The following JCAD variants were observed in gnomAD, a reference collection of about 807,000 sequenced individuals.
JCAD encodes junctional cadherin 5-associated protein.
In JCAD, 40 loss-of-function variants were observed where a neutral mutation model predicts 98.0. The observed-to-expected ratio is 0.41, with a 90% CI of 0.32 to 0.53. The LOEUF (loss-of-function observed/expected upper bound fraction) is 0.53. Among genes scored for constraint, JCAD ranks in the 20% least tolerant of loss-of-function variants. The pLI is 0.31. For synonymous variants in JCAD, 691 were observed against 682.3 expected (o/e 1.01, Z -0.20); for missense variants, 1,705 against 1,738.1 (o/e 0.98, Z 0.34).
At chr10:30,037,743 A>G (rs1340069418) in intron 2 of JCAD, among the ~76,000 whole-genome samples, 1 of 152,144 alleles carries the variant, frequency 6.6e-6, no homozygotes, top group African/African-American at 2.4e-5. Flanking sequence ...GAAGGGGCAC[A>G]GGAAAGCAAT....
At chr10:30,034,462 G>A (rs992214118) in intron 2 of JCAD, among the ~76,000 whole-genome samples, 43 of 152,152 alleles carry the variant, frequency 2.8e-4, no homozygotes, top group African/African-American at 9.9e-4. Context: ...CACGGTAGGA[G>A]GTCACAATTT....
chr10:30,101,957 A>C (rs1370917407), intron 1 of JCAD, among the ~76,000 whole-genome samples: 1 of 152,078 alleles, frequency 6.6e-6, no homozygotes, highest in Non-Finnish European at 1.5e-5. Flanking sequence ...GGTGGGACTG[A>C]AGTAATGAGC....
At chr10:30,110,376 T>A (rs1438918802) in intron 1 of JCAD, among the ~76,000 whole-genome samples, 1 of 151,962 alleles carries the variant, frequency 6.6e-6, no homozygotes, top group Admixed American at 6.6e-5. Context: ...AGCTGATGTA[T>A]AGACCAGCTG....
chr10:30,070,095 C>T (rs1296451125), intron 1 of JCAD, among the ~76,000 whole-genome samples: 2 of 151,930 alleles, frequency 1.3e-5, no homozygotes, highest in South Asian at 2.1e-4. Context: ...CAAATAAGAG[C>T]GACTACAGAG....
upstream of JCAD, among the ~76,000 whole-genome samples, chr10:30,063,353 T>C (rs1837731450): frequency 2.6e-5 from 4 of 152,236 alleles, no homozygotes; most frequent in African/African-American, 7.2e-5. Flanking sequence ...TATTGAGTCA[T>C]TGGGCAGATG....
At chr10:30,112,986 G>A (rs1838732704) in intron 1 of JCAD, among the ~76,000 whole-genome samples, 1 of 151,998 alleles carries the variant, frequency 6.6e-6, no homozygotes. Context: ...TTCCTTTCTG[G>A]GTGATGAAAT....
chr10:30,020,956 G>A (rs903292085), intron 3 of JCAD, among the ~76,000 whole-genome samples: 2 of 152,198 alleles, frequency 1.3e-5, no homozygotes, highest in Non-Finnish European at 2.9e-5. Context: ...GCCATGCCAT[G>A]TCTGTCTGTA....
At chr10:30,084,652 C>G (rs1237169958) in intron 1 of JCAD, among the ~76,000 whole-genome samples, 2 of 152,218 alleles carry the variant, frequency 1.3e-5, no homozygotes, top group East Asian at 1.9e-4. Context: ...AGGTCTCAAC[C>G]CTGCTGGCCA....
At chr10:30,048,140 G>A (rs932577864) in intron 1 of JCAD, among the ~76,000 whole-genome samples, 9 of 152,208 alleles carry the variant, frequency 5.9e-5, no homozygotes, top group Admixed American at 6.5e-5. Context: ...AGAAGAGCAT[G>A]TGGCACGGTG....
intron 1 of JCAD, among the ~76,000 whole-genome samples, chr10:30,111,941 C>G (rs1433809064): frequency 6.6e-6 from 1 of 152,160 alleles, no homozygotes; most frequent in Non-Finnish European, 1.5e-5. Context: ...CCATATGATC[C>G]AGCAATTCCA....
At position 30,113,660 on chromosome 10, in the gene JCAD, A is replaced by C. The variant is rs542857977; in HGVS notation, n.128+1707T>G. On this transcript the variant is annotated intron_variant and non_coding_transcript_variant, in intron 1 of 2. Transcript: ENST00000465712. ...ATCAGAACCTGGCTCCACCCTCCTC[A>C]TAGGGCGACTTCTGGGCCCACCTCC... Among the ~76,000 whole-genome samples, 844 of 148,784 alleles carry C rather than the reference A, an allele frequency of 5.7e-3. 4 individuals carry two copies. Among genetic ancestry groups the C allele is most frequent in the Non-Finnish European group, 9.6e-3 (647 of 67,670 alleles).
chr10:30,020,750 C>G (rs1318526527), intron 3 of JCAD, among the ~76,000 whole-genome samples: 1 of 152,166 alleles, frequency 6.6e-6, no homozygotes, highest in Non-Finnish European at 1.5e-5. Flanking sequence ...GCTCAATCAG[C>G]CTCAGAGTGT....
At chr10:30,034,841 C>T (rs1837078135) in intron 2 of JCAD, among the ~76,000 whole-genome samples, 1 of 152,186 alleles carries the variant, frequency 6.6e-6, no homozygotes, top group South Asian at 2.1e-4. Context: ...AATTGTTACA[C>T]CCCACTGTGA....
chr10:30,015,500 CAGTTAA>C lies in JCAD; in HGVS notation c.*2377_*2382del, dbSNP rs1228202095. The C allele has an allele frequency of 6.6e-6, 1 of 152,142 alleles. No homozygotes were observed. The highest frequency in any genetic ancestry group is 1.5e-5 in the Non-Finnish European group (1 of 68,018). The allele number at this position is 152,142 out of a possible 1,614,324, so 9.4% of individuals were successfully genotyped here. The stretch of plus-strand genomic sequence containing the variant: ...TTTACATGTAGGCTTAAATTTAGAA[CAGTTAA>C]AGTATAAATGTTGAAAATTTCAACT... On this transcript the variant is annotated 3_prime_UTR_variant, in exon 4 of 4. Coordinates refer to ENST00000375377, the MANE Select transcript of JCAD (RefSeq NM_020848.4).
intron 1 of JCAD, among the ~76,000 whole-genome samples, chr10:30,082,872 AAAAAAC>A (rs1268950610): frequency 1.9e-4 from 28 of 149,412 alleles, no homozygotes; most frequent in African/African-American, 6.5e-4. Flanking sequence ...AAAAAAAAAA[AAAAAAC>A]AAAAAATTAG....
At chr10:30,074,412 T>A (rs1386843689) in intron 1 of JCAD, among the ~76,000 whole-genome samples, 1 of 152,208 alleles carries the variant, frequency 6.6e-6, no homozygotes, top group Non-Finnish European at 1.5e-5. Flanking sequence ...GGCTTCCATA[T>A]GTTCCCAAGC....
rs1004948411 is a variant in JCAD, at chr10:30,017,427, G to A, written c.*456C>T. 9.1e-5 allele frequency: 16 copies of A among 176,270 alleles called. No homozygotes were observed. Among genetic ancestry groups the A allele is most frequent in the Admixed American group, 5.1e-4 (8 of 15,612 alleles). The allele number at this position is 176,270 out of a possible 1,614,324, so 10.9% of individuals were successfully genotyped here. The stretch of plus-strand genomic sequence containing the variant: ...CCTAAACTGAAAGTGCTGAAACACC[G>A]GGCAACAGCCAGTGTCCCAAACTCC... On this transcript the variant is annotated 3_prime_UTR_variant, in exon 4 of 4. Transcript: ENST00000375377.
At chr10:30,058,642 G>A (rs1047003007) in intron 1 of JCAD, among the ~76,000 whole-genome samples, 3 of 152,212 alleles carry the variant, frequency 2.0e-5, no homozygotes, top group Admixed American at 2.0e-4. Flanking sequence ...CCAGGGCATC[G>A]AGGCAAACCC....
rs1482847713 is a variant in JCAD at position 30,027,474 on chromosome 10, G to A, written c.2674C>T (p.Pro892Ser). ...TCCGGCACCCACATCCTCGGCTGTG[G>A]CTCAACCCTCATTTCCGGGCTGTTT... Reference protein sequence around the residue: ...RGNSPEMRVEPQPRMWVPESP... With the variant: ...RGNSPEMRVESQPRMWVPESP... The change falls in exon 3 of 4, where the codon CCA becomes TCA. Residue 892 changes from proline to serine, a missense_variant. Pro to Ser is a moderately conservative substitution (Grantham distance 74, BLOSUM62 -1). Transcript: ENST00000375377. The A allele has an allele frequency of 6.2e-7, 1 of 1,606,288 alleles. No homozygotes were observed. Among genetic ancestry groups the A allele is most frequent in the Non-Finnish European group, 8.5e-7 (1 of 1,180,006 alleles).
Sources: gnomAD v4.1 joint callset for allele counts (sites outside exome capture counted in the v4.1 genomes callset) on GRCh38, gnomAD v4.1.1 for gene constraint, MANE v1.5 for transcripts, NCBI Gene and HGNC (gene_info 2026-07-23, HGNC 2026-07-21) for gene names.